Variants in TP63 observed in about 807,000 individuals in gnomAD.
The protein encoded by TP63 is tumor protein 63.
Under a neutral mutation model 82.8 loss-of-function variants are expected in TP63, and 17 were observed. That is an observed-to-expected ratio of 0.21 (90% CI 0.14 to 0.31). The LOEUF (loss-of-function observed/expected upper bound fraction) is 0.31, where lower values mean the gene tolerates loss of function less well. Among genes scored for constraint, TP63 ranks in the 10% least tolerant of loss-of-function variants. The pLI, the probability that TP63 is intolerant of heterozygous loss-of-function variation, is 1.00. For missense variants in TP63, 648 were observed against 895.3 expected (o/e 0.72, Z 3.52); for synonymous variants, 330 against 321.7 (o/e 1.03, Z -0.28).
intron 1 of TP63, among the ~76,000 whole-genome samples, chr3:189,692,528 G>A (rs2108723576): frequency 6.6e-6 from 1 of 152,048 alleles, no homozygotes; most frequent in Admixed American, 6.5e-5. Flanking sequence ...GCTAAAAATA[G>A]GCAGTAATCA....
At chr3:189,826,800 A>G (rs1464026044) in intron 4 of TP63, among the ~76,000 whole-genome samples, 1 of 152,136 alleles carries the variant, frequency 6.6e-6, no homozygotes, top group Non-Finnish European at 1.5e-5. Context: ...ATGTCCCAAG[A>G]TGCGTTTGTT....
chr3:189,759,287 C>T (rs1265264803), intron 3 of TP63, among the ~76,000 whole-genome samples: 2 of 152,142 alleles, frequency 1.3e-5, no homozygotes, highest in African/African-American at 4.8e-5. Context: ...TCTATAAGCC[C>T]TCCAGGTGAT....
chr3:189,838,683 A>G lies in TP63; in HGVS notation c.580-25549A>G, dbSNP rs371033070. On this transcript the variant is annotated intron_variant, in intron 4 of 13. Coordinates refer to ENST00000264731, the MANE Select transcript of TP63 (RefSeq NM_003722.5). The stretch of plus-strand genomic sequence containing the variant: ...AAATAGATGTCTCAAAATTGTTTCA[A>G]TTATCCAGGGGTTCCCTTAAAAAAG... Among the ~76,000 whole-genome samples, 8 of 152,292 alleles carry G rather than the reference A, an allele frequency of 5.3e-5. No homozygotes were observed. In the East Asian group the frequency reaches 1.2e-3, roughly 22 times the overall value.
intron 3 of TP63, among the ~76,000 whole-genome samples, chr3:189,770,092 T>A (rs73889824): frequency 0.03 from 4,558 of 152,260 alleles, 223 homozygotes; most frequent in African/African-American, 0.1. Flanking sequence ...TTTGAGGCGG[T>A]AGTAGCCTCA....
intron 3 of TP63, among the ~76,000 whole-genome samples, chr3:189,751,795 C>A (rs1442330312): frequency 1.3e-5 from 2 of 152,054 alleles, no homozygotes. Context: ...ATGATAGTTT[C>A]TTTTGCTGTG....
intron 1 of TP63, among the ~76,000 whole-genome samples, chr3:189,656,611 C>T (rs1713387411): frequency 6.6e-6 from 1 of 151,994 alleles, no homozygotes; most frequent in African/African-American, 2.4e-5. Context: ...TATAAGTTGT[C>T]TGTAAAAAAC....
chr3:189,601,406 A>G, the TP63 span, among the ~76,000 whole-genome samples: 2 of 152,030 alleles, frequency 1.3e-5, no homozygotes, highest in Non-Finnish European at 2.9e-5. Flanking sequence ...ACCAGGTGTC[A>G]TTTTGGAGCC....
chr3:189,727,489 A>T (rs1719854960), intron 1 of TP63, among the ~76,000 whole-genome samples: 1 of 152,250 alleles, frequency 6.6e-6, no homozygotes, highest in African/African-American at 2.4e-5. Flanking sequence ...ACTGTTAATA[A>T]GTTAAGAGTT....
At chr3:189,840,683 A>AC (rs1713950355) in intron 4 of TP63, among the ~76,000 whole-genome samples, 1 of 151,294 alleles carries the variant, frequency 6.6e-6, no homozygotes, top group Non-Finnish European at 1.5e-5. Context: ...AGATGGTGAA[A>AC]CCCGTGTCTA....
At chr3:189,734,052 CTCTT>C (rs1013135043) in intron 1 of TP63, among the ~76,000 whole-genome samples, 6 of 151,364 alleles carry the variant, frequency 4.0e-5, no homozygotes, top group Non-Finnish European at 5.9e-5. Flanking sequence ...TTTTCTTTCT[CTCTT>C]TCTTTTTCTT....
At chr3:189,680,534 A>G (rs1328809341) in intron 1 of TP63, among the ~76,000 whole-genome samples, 1 of 152,196 alleles carries the variant, frequency 6.6e-6, no homozygotes, top group Admixed American at 6.5e-5. Flanking sequence ...AAAATTCTCA[A>G]CAAAATACAA....
chr3:189,829,638 A>G (rs542561593), intron 4 of TP63, among the ~76,000 whole-genome samples: 2 of 152,350 alleles, frequency 1.3e-5, no homozygotes, highest in South Asian at 2.1e-4. Flanking sequence ...CTAAAAGCCT[A>G]GAGTCTGGCG....
intron 1 of TP63, among the ~76,000 whole-genome samples, chr3:189,715,612 G>A (rs148190653): frequency 6.9e-4 from 105 of 152,252 alleles, no homozygotes; most frequent in Non-Finnish European, 1.1e-3. Context: ...GTCTGAAACC[G>A]TCTCTCTGGT....
the TP63 span, among the ~76,000 whole-genome samples, chr3:189,618,522 G>A: frequency 0.013 from 1,919 of 152,186 alleles, 44 homozygotes; most frequent in African/African-American, 0.044. Flanking sequence ...TGGTAAATAT[G>A]GCCTCCTAGC....
At chr3:189,657,736 T>G (rs984578919) in intron 1 of TP63, among the ~76,000 whole-genome samples, 1 of 152,078 alleles carries the variant, frequency 6.6e-6, no homozygotes, top group African/African-American at 2.4e-5. Flanking sequence ...CAGTGTGAAT[T>G]TATTTATGTT....
chr3:189,859,315 G>A (rs1716712908), intron 4 of TP63, among the ~76,000 whole-genome samples: 1 of 152,094 alleles, frequency 6.6e-6, no homozygotes, highest in South Asian at 2.1e-4. Flanking sequence ...GGAGAACACA[G>A]TCTGTATTAC....
intron 3 of TP63, among the ~76,000 whole-genome samples, chr3:189,761,516 T>C (rs1179342252): frequency 1.4e-5 from 2 of 143,026 alleles, no homozygotes; most frequent in Non-Finnish European, 3.2e-5. Flanking sequence ...CACCTCAGCC[T>C]GGACCTTATT....
At chr3:189,843,699 A>G (rs1319204505) in intron 4 of TP63, among the ~76,000 whole-genome samples, 2 of 152,130 alleles carry the variant, frequency 1.3e-5, no homozygotes, top group African/African-American at 4.8e-5. Flanking sequence ...CCTTCCTTTG[A>G]TGTGGATACA....
intron 1 of TP63, among the ~76,000 whole-genome samples, chr3:189,700,141 A>G (rs2108737901): frequency 6.6e-6 from 1 of 152,288 alleles, no homozygotes; most frequent in African/African-American, 2.4e-5. Context: ...AGGTTGTGCA[A>G]TAACTTGAGG....
Sources: gnomAD v4.1 joint callset for allele counts (sites outside exome capture counted in the v4.1 genomes callset) on GRCh38, gnomAD v4.1.1 for gene constraint, MANE v1.5 for transcripts, NCBI Gene and HGNC (gene_info 2026-07-23, HGNC 2026-07-21) for gene names.